The following KMT2E variants were observed in gnomAD, a reference collection of about 807,000 sequenced individuals.
KMT2E encodes the protein histone reader KMT2E.
In KMT2E, 30 loss-of-function variants were observed where a neutral mutation model predicts 184.6. That is an observed-to-expected ratio of 0.16 (90% CI 0.12 to 0.22). KMT2E has a LOEUF of 0.22. Ranked by LOEUF, KMT2E falls within the 10% of genes least tolerant of loss-of-function variation. The pLI is 1.00. For synonymous variants in KMT2E, 815 were observed against 776.5 expected, an observed-to-expected ratio of 1.05 and a Z score of -0.82; for missense variants, 2,023 against 2,237.4, an observed-to-expected ratio of 0.90 and a Z score of 1.93.
intron 3 of KMT2E, among the ~76,000 whole-genome samples, chr7:105,045,141 C>G (rs1489109643): frequency 6.6e-6 from 1 of 152,212 alleles, no homozygotes; most frequent in Non-Finnish European, 1.5e-5. Flanking sequence ...CTTCCACCTG[C>G]TATGTATAAT....
At chr7:105,085,840 G>T (rs978904812) in intron 13 of KMT2E, among the ~76,000 whole-genome samples, 1 of 151,880 alleles carries the variant, frequency 6.6e-6, no homozygotes, top group South Asian at 2.1e-4. Flanking sequence ...GACTAATTTT[G>T]TTTTTGTATT....
rs1015166834 is a variant in KMT2E, at chr7:105,106,141, C to A, written c.2596+138C>A. On this transcript the variant is annotated intron_variant, in intron 19 of 26. Transcript: ENST00000311117. ...GGTGTATAGATTTTCTCTTTTCTGT[C>A]CTCTGTATTTTTTGGCTGAAGATAC... 2.3e-5 allele frequency: 21 copies of A among 917,318 alleles called. No individual in the cohort carries two copies. The African/African-American group carries it at 2.4e-4, about 10-fold the overall frequency. 56.8% of individuals were successfully genotyped at this position (917,318 alleles called of 1,614,324 possible). A position where few individuals can be genotyped will look rare whatever the true frequency, so the allele number is the denominator to read the frequency against.
chr7:105,112,000 ATCC>A lies in KMT2E; in HGVS notation c.4250_4252del (p.Pro1417del). ...AACAACCAAGCACTTTCAAAGAATC[ATCC>A]TCCTCAGACACACGTTCGTAATTCA... On this transcript the variant is annotated inframe_deletion, in exon 27 of 27. Transcript: ENST00000311117. The A allele has an allele frequency of 1.2e-6, 2 of 1,614,190 alleles. No individual in the cohort carries two copies. Among genetic ancestry groups the A allele is most frequent in the Non-Finnish European group, 1.7e-6 (2 of 1,180,032 alleles).
chr7:105,023,874 A>G (rs1465602703), intron 1 of KMT2E, among the ~76,000 whole-genome samples: 1 of 152,252 alleles, frequency 6.6e-6, no homozygotes, highest in Admixed American at 6.5e-5. Context: ...ATGGTAATAC[A>G]GCAGAGCATG....
At chr7:105,087,140 A>C (rs1798007635) in intron 13 of KMT2E, among the ~76,000 whole-genome samples, 1 of 147,502 alleles carries the variant, frequency 6.8e-6, no homozygotes, top group African/African-American at 2.5e-5. Context: ...TGTATATTAT[A>C]TATGCTAGGT....
At chr7:105,023,525 A>G (rs1795044767) in intron 1 of KMT2E, among the ~76,000 whole-genome samples, 3 of 150,728 alleles carry the variant, frequency 2.0e-5, no homozygotes. Context: ...ACCCACTGCA[A>G]GCTCCGCCTT....
intron 2 of KMT2E, chr7:105,039,118 T>G (rs938397227): frequency 6.6e-6 from 1 of 152,210 alleles, no homozygotes; most frequent in African/African-American, 2.4e-5. Flanking sequence ...CAGTTTCATC[T>G]CAAGTTCTCT....
intron 6 of KMT2E, among the ~76,000 whole-genome samples, chr7:105,071,572 ATGTG>A (rs71969745): frequency 1.5e-5 from 1 of 68,730 alleles, no homozygotes; most frequent in African/African-American, 6.0e-5. Flanking sequence ...GTATGTATGT[ATGTG>A]TGTGTGTATA....
In KMT2E at chr7:105,112,444, C is replaced by T. The variant is rs1799345946; in HGVS notation, c.4688C>T (p.Ser1563Phe). ...SSSYYQNQQP[S>F]ANFQNYNQLK... ...TCTTACTATCAAAACCAGCAGCCCT[C>T]TGCAAACTTTCAGAATTATAATCAG... The change falls in exon 27 of 27, where the codon TCT becomes TTT. Residue 1563 changes from serine to phenylalanine, a missense_variant. Coordinates refer to ENST00000311117, the MANE Select transcript of KMT2E (RefSeq NM_182931.3). 2 of 1,613,882 alleles carry T rather than the reference C, an allele frequency of 1.2e-6. No homozygotes were observed. The highest frequency in any genetic ancestry group is 1.7e-6 in the Non-Finnish European group (2 of 1,179,998).
chr7:105,094,558 G>A (rs192781408), intron 15 of KMT2E, among the ~76,000 whole-genome samples: 17 of 152,108 alleles, frequency 1.1e-4, no homozygotes, highest in Non-Finnish European at 1.9e-4. Context: ...AAAAGTTCTG[G>A]ATTTCAGAGC....
At chr7:105,052,701 G>T (rs56377710) in intron 3 of KMT2E, among the ~76,000 whole-genome samples, 4,574 of 151,854 alleles carry the variant, frequency 0.03, 221 homozygotes, top group African/African-American at 0.1. Context: ...TGGGATTACA[G>T]CTATGCACCA....
intron 3 of KMT2E, among the ~76,000 whole-genome samples, chr7:105,043,239 CTTTT>C (rs756242064): frequency 7.1e-6 from 1 of 140,258 alleles, no homozygotes. Context: ...TTCTTTTTTT[CTTTT>C]TTTTTTTTTT....
chr7:105,023,722 G>A (rs1402134978), intron 1 of KMT2E, among the ~76,000 whole-genome samples: 9 of 152,262 alleles, frequency 5.9e-5, no homozygotes, highest in African/African-American at 1.4e-4. Context: ...TGGGATTACA[G>A]GCTTGAGCCA....
intron 3 of KMT2E, among the ~76,000 whole-genome samples, chr7:105,042,732 T>G (rs1221132312): frequency 6.6e-6 from 1 of 152,240 alleles, no homozygotes; most frequent in Non-Finnish European, 1.5e-5. Context: ...TGCTCTTTAT[T>G]TTTAAATTTC....
Position 105,091,376 on chromosome 7 carries a change from C to A in KMT2E, c.1722+62C>A, listed in dbSNP as rs762853906. The A allele has an allele frequency of 5.1e-5, 46 of 897,580 alleles. 1 individual carries two copies. In the South Asian group the frequency reaches 5.8e-4, roughly 11 times the overall value. The allele number at this position is 897,580 out of a possible 1,614,324, so 55.6% of individuals were successfully genotyped here. ...GCTGCTCTGCATATGGTAATTGTTG[C>A]TGCCTTTACATGGGCTTTTACATTA... On this transcript the variant is annotated intron_variant, in intron 15 of 26. Coordinates refer to ENST00000311117, the MANE Select transcript of KMT2E (RefSeq NM_182931.3).
chr7:105,067,612 T>G (rs924975505), intron 6 of KMT2E, among the ~76,000 whole-genome samples: 1 of 152,184 alleles, frequency 6.6e-6, no homozygotes, highest in African/African-American at 2.4e-5. Context: ...CATGTATATT[T>G]CAGTATATAT....
At position 105,090,017 on chromosome 7, in the gene KMT2E, A is replaced by T; in HGVS notation, c.1367A>T (p.Lys456Met). 6.2e-7 allele frequency: 1 copy of T among 1,609,342 alleles called. No homozygotes were observed. The highest frequency in any genetic ancestry group is 2.2e-5 in the East Asian group (1 of 44,830). The change falls in exon 14 of 27, where the codon AAG becomes ATG. Residue 456 changes from lysine to methionine, a missense_variant. By Grantham distance (95) the Lys-to-Met change is moderately conservative. Transcript: ENST00000311117. ...FDFDYGNCKY[K>M]VDCACLKENP... ...ACTGGTTATCTTTCCAGTAAGTACA[A>T]GGTGGACTGTGCATGCCTCAAAGAA...
rs972027758 is a variant in KMT2E at position 105,077,235 on chromosome 7, A to C, written c.999+42A>C. ...TCCAAAAATTGTAAAGCAGTTTTAT[A>C]TTGTGAATTTTTAGTTAAACTGAAA... On this transcript the variant is annotated intron_variant, in intron 10 of 26. Coordinates refer to ENST00000311117, the MANE Select transcript of KMT2E (RefSeq NM_182931.3). 3 of 1,603,150 alleles carry C rather than the reference A, an allele frequency of 1.9e-6. No individual in the cohort carries two copies. The African/African-American group carries it at 4.0e-5, about 22-fold the overall frequency.
In KMT2E at chr7:105,040,992, A is replaced by G; in HGVS notation, c.40A>G (p.Thr14Ala). Residue 14 changes from threonine to alanine, a missense_variant, in exon 3 of 27, where the codon ACG (threonine) becomes GCG (alanine). Thr to Ala is a moderately conservative substitution (Grantham distance 58). Transcript: ENST00000311117. Reference sequence around the variant, plus strand: ...CCCATTGGGGGTTGATACAGCAGAGACGTCATACTTGGAAATGGCTGCAGG... The same window carrying G: ...CCCATTGGGGGTTGATACAGCAGAGGCGTCATACTTGGAAATGGCTGCAGG... ...VIPLGVDTAETSYLEMAAGSE... is the reference protein window; with the variant it reads ...VIPLGVDTAEASYLEMAAGSE... 6.2e-7 allele frequency: 1 copy of G among 1,611,226 alleles called. No homozygotes were observed.
Sources: allele counts gnomAD v4.1 joint callset (sites outside exome capture counted in the v4.1 genomes callset), GRCh38; gene constraint gnomAD v4.1.1; transcripts MANE v1.5; gene names NCBI Gene and HGNC (gene_info 2026-07-23, HGNC 2026-07-21).